Variants in DMXL2 observed in about 807,000 individuals in gnomAD.
DMXL2 encodes the protein dmX-like protein 2.
In DMXL2, 103 loss-of-function variants were observed where a neutral mutation model predicts 331.1. The observed-to-expected ratio is 0.31, with a 90% confidence interval of 0.27 to 0.37. The LOEUF (loss-of-function observed/expected upper bound fraction) is 0.37, where lower values mean the gene tolerates loss of function less well. DMXL2 is among the 10% of genes least tolerant of loss of function. The pLI is 1.00. For missense variants in DMXL2, 3,171 were observed against 3,642.9 expected, an observed-to-expected ratio of 0.87 and a Z score of 3.33; for synonymous variants, 1,281 against 1,252.1, an observed-to-expected ratio of 1.02 and a Z score of -0.49.
At chr15:51,532,802 G>C (rs1459447951) in intron 13 of DMXL2, among the ~76,000 whole-genome samples, 1 of 152,116 alleles carries the variant, frequency 6.6e-6, no homozygotes, top group Admixed American at 6.6e-5. Context: ...CATGGAGTTG[G>C]AAGTTTTAGT....
At chr15:51,457,493 T>C in intron 36 of DMXL2, 27 bp from the exon 37 acceptor site, 2 of 1,610,390 alleles carry the variant, frequency 1.2e-6, no homozygotes. Context: ...TGTGTTACTG[T>C]GAACATTCCC....
Position 51,566,274 on chromosome 15 carries a change from T to TGC in DMXL2, c.286-1109_286-1108insGC, listed in dbSNP as rs2050284129. The stretch of plus-strand genomic sequence containing the variant: ...GTGTGTGTGTGTGTGTGTGTGTGTG[T>TGC]GTGTGCATCTGCAAACCCTGCACTT... On this transcript the variant is annotated intron_variant, in intron 3 of 43. Transcript: ENST00000560891. Among the ~76,000 whole-genome samples the TGC allele has an allele frequency of 1.5e-5, 2 of 133,068 alleles. 1 individual carries two copies. Among genetic ancestry groups the TGC allele is most frequent in the South Asian group, 4.8e-4 (2 of 4,160 alleles). The allele number at this position is 133,068 out of a possible 152,430, so 87.3% of individuals were successfully genotyped here. A position where few individuals can be genotyped will look rare whatever the true frequency, so the allele number is the denominator to read the frequency against.
Position 51,563,260 on chromosome 15 carries a change from C to G in DMXL2, c.567+121G>C, listed in dbSNP as rs1596270825. The stretch of plus-strand genomic sequence containing the variant: ...CAAACACCACTTTTATTCTTCAGGC[C>G]AGCTTTGCCAAGGAGGATTATCCCA... On this transcript the variant is annotated intron_variant, in intron 6 of 43. Transcript: ENST00000560891. 11 of 815,170 alleles carry G rather than the reference C, an allele frequency of 1.3e-5. No homozygotes were observed. In the East Asian group the frequency reaches 3.1e-4, roughly 23 times the overall value. The allele number at this position is 815,170 out of a possible 1,614,324, so 50.5% of individuals were successfully genotyped here.
chr15:51,463,687 TCTC>T (rs1055548685), intron 32 of DMXL2, among the ~76,000 whole-genome samples, 191 bp from the exon 33 acceptor site: 25 of 152,170 alleles, frequency 1.6e-4, no homozygotes, highest in African/African-American at 6.0e-4. Context: ...AATTTTTAGT[TCTC>T]CTAAAAATCA....
intron 6 of DMXL2, among the ~76,000 whole-genome samples, chr15:51,556,066 G>A (rs964101841): frequency 2.6e-5 from 4 of 151,998 alleles, no homozygotes; most frequent in Admixed American, 6.6e-5. Context: ...AGATCAGGCC[G>A]GGCGCGGTGG....
chr15:51,474,862 A>T (rs181533626), intron 27 of DMXL2, among the ~76,000 whole-genome samples: 7 of 152,286 alleles, frequency 4.6e-5, no homozygotes, highest in Non-Finnish European at 1.0e-4. Flanking sequence ...TAATACATAA[A>T]ATGAGTGATA....
rs764145023 is a variant in DMXL2, at chr15:51,545,618, C to T, written c.895G>A (p.Gly299Arg). 1.2e-6 allele frequency: 2 copies of T among 1,613,502 alleles called. No individual in the cohort carries two copies. The change falls in exon 8 of 44, where the codon GGA becomes AGA. Residue 299 changes from glycine to arginine, a missense_variant. By Grantham distance (125) the Gly-to-Arg change is moderately radical. Around this residue, in one of 7 missense-constraint regions of DMXL2, gnomAD observed 1,674 missense variants for 1,780.2 expected, o/e 0.94. Transcript: ENST00000560891. ...TGCTGTATTCTGTCTTTGTGTCTTC[C>T]AGCATGAGAAAGGCTGCTGGCAATG... ...SSIASSLSHA[G>R]RHKDRIQHAL... is the part of the protein sequence containing the mutation.
At chr15:51,617,076 T>A (rs1482234549) in intron 1 of DMXL2, among the ~76,000 whole-genome samples, 1 of 152,168 alleles carries the variant, frequency 6.6e-6, no homozygotes, top group Non-Finnish European at 1.5e-5. Flanking sequence ...GCATGACTTG[T>A]TTTTCTACTG....
At chr15:51,480,226 G>T (rs2041909795) in intron 24 of DMXL2, 87 bp from the exon 25 acceptor site, 1 of 1,288,218 alleles carries the variant, frequency 7.8e-7, no homozygotes, top group Non-Finnish European at 1.1e-6. Flanking sequence ...TAAACATTGT[G>T]TAAAGGGAAT....
rs370151145 is a variant in DMXL2 at position 51,498,981 on chromosome 15, C to T, written c.4243G>A (p.Asp1415Asn). ...TAKETVTVGK[D>N]GTRDYTEIDS... is the part of the protein sequence containing the mutation. ...ATCTCAGTATAATCTCGAGTACCAT[C>T]TTTTCCTACGGTGACTGTTTCCTTT... is the stretch of plus-strand genomic sequence containing the variant. Residue 1415 changes from aspartate to asparagine, a missense_variant, in exon 18 of 44, where the codon GAT becomes AAT. Around this residue, in one of 7 missense-constraint regions of DMXL2, gnomAD observed 1,674 missense variants for 1,780.2 expected, o/e 0.94. Coordinates refer to ENST00000560891, the MANE Select transcript of DMXL2 (RefSeq NM_001378457.1). 5.0e-6 allele frequency: 8 copies of T among 1,613,944 alleles called. No homozygotes were observed. The African/African-American group carries it at 1.1e-4, about 22-fold the overall frequency.
intron 41 of DMXL2, among the ~76,000 whole-genome samples, chr15:51,452,893 C>T (rs545401259): frequency 6.6e-6 from 1 of 152,216 alleles, no homozygotes; most frequent in East Asian, 1.9e-4. Flanking sequence ...ACATATACAC[C>T]ATGGAATACT....
chr15:51,562,759 A>C (rs913496808), intron 6 of DMXL2, among the ~76,000 whole-genome samples: 3 of 152,222 alleles, frequency 2.0e-5, no homozygotes, highest in Non-Finnish European at 2.9e-5. Context: ...TGATTTACCC[A>C]AAATCATGAG....
Position 51,462,429 on chromosome 15 carries a change from G to A in DMXL2, c.7926+950C>T, listed in dbSNP as rs191491929. On this transcript the variant is annotated intron_variant, in intron 33 of 43. Transcript: ENST00000560891. ...TGGCTTACTGCAACCTCTGCCTCTC[G>A]GGTTCAAGCAATTCTCTTACCTCAA... Among the ~76,000 whole-genome samples, 350 of 152,152 alleles carry A rather than the reference G, an allele frequency of 2.3e-3. 2 individuals are homozygous for A. The highest frequency in any genetic ancestry group is 8.0e-3 in the African/African-American group (331 of 41,502).
chr15:51,470,264 C>G (rs1485643351), intron 29 of DMXL2, among the ~76,000 whole-genome samples: 1 of 152,056 alleles, frequency 6.6e-6, no homozygotes, highest in African/African-American at 2.4e-5. Flanking sequence ...GCCTTTCAAG[C>G]AGCTAGAACT....
chr15:51,499,711 C>G lies in DMXL2; in HGVS notation c.3513G>C (p.Leu1171Phe). ...AGCCATCTTCTTTTGATACCCAGTC[C>G]AAATGTACTAAATGTTTGATATTCG... ...LIPNIKHLVH[L>F]DWVSKEDGSH... The change falls in exon 18 of 44, where the codon TTG becomes TTC. Residue 1171 changes from leucine (L) to phenylalanine (F), a missense_variant. By Grantham distance (22) the Leu-to-Phe change is conservative. Coordinates refer to ENST00000560891, the MANE Select transcript of DMXL2 (RefSeq NM_001378457.1). 6.2e-7 allele frequency: 1 copy of G among 1,613,980 alleles called. No individual in the cohort carries two copies. Among genetic ancestry groups the G allele is most frequent in the Non-Finnish European group, 8.5e-7 (1 of 1,179,994 alleles).
intron 2 of DMXL2, among the ~76,000 whole-genome samples, chr15:51,569,787 T>A (rs1389470428): frequency 6.6e-6 from 1 of 151,980 alleles, no homozygotes; most frequent in Non-Finnish European, 1.5e-5. Flanking sequence ...ACTATCAACA[T>A]CACCAACATT....
intron 24 of DMXL2, 67 bp from the exon 25 acceptor site, chr15:51,480,206 A>G: frequency 7.3e-7 from 1 of 1,372,258 alleles, no homozygotes; most frequent in Non-Finnish European, 9.9e-7. Flanking sequence ...TCTGACAGAA[A>G]TACTGGTGAT....
chr15:51,592,080 A>G (rs2052397097), intron 1 of DMXL2, among the ~76,000 whole-genome samples: 1 of 152,236 alleles, frequency 6.6e-6, no homozygotes, highest in South Asian at 2.1e-4. Flanking sequence ...GACTTTGACG[A>G]GCTGAGAGAA....
At chr15:51,491,013 T>C (rs1210912325) in intron 20 of DMXL2, among the ~76,000 whole-genome samples, 1 of 152,224 alleles carries the variant, frequency 6.6e-6, no homozygotes, top group Non-Finnish European at 1.5e-5. Context: ...AACCAGGGCA[T>C]ACCTCAACTA....
Sources: gnomAD v4.1 joint callset for allele counts (sites outside exome capture counted in the v4.1 genomes callset) on GRCh38, gnomAD v4.1.1 for gene constraint, gnomAD v4.1.1 regional missense constraint, MANE v1.5 for transcripts, NCBI Gene and HGNC (gene_info 2026-07-23, HGNC 2026-07-21) for gene names.